The following ANKFN1 variants were observed in gnomAD, a reference collection of about 807,000 sequenced individuals.
ANKFN1 encodes the protein ankyrin repeat and fibronectin type III domain containing 1.
A neutral mutation model predicts 108.7 loss-of-function variants in ANKFN1; 74 were observed. The ratio of observed to expected loss-of-function variants is 0.68; its 90% confidence interval spans 0.56 to 0.83. The LOEUF (loss-of-function observed/expected upper bound fraction) is 0.83, where lower values mean the gene tolerates loss of function less well. Among genes scored for constraint, ANKFN1 ranks in the 40% least tolerant of loss-of-function variants. The pLI is 0.00. For missense variants in ANKFN1, 1,505 were observed against 1,382.3 expected, an observed-to-expected ratio of 1.09 and a Z score of -1.41; for synonymous variants, 547 against 516.2, an observed-to-expected ratio of 1.06 and a Z score of -0.81.
intron 3 of ANKFN1, among the ~76,000 whole-genome samples, chr17:56,280,168 C>G (rs2044038619): frequency 6.6e-6 from 1 of 151,912 alleles, no homozygotes; most frequent in Non-Finnish European, 1.5e-5. Context: ...TGCCACCATG[C>G]CCAGCTCATT....
At chr17:56,238,918 C>T (rs938640630) in intron 3 of ANKFN1, among the ~76,000 whole-genome samples, 8 of 151,948 alleles carry the variant, frequency 5.3e-5, no homozygotes, top group South Asian at 2.1e-4. Context: ...GATTGGGATA[C>T]GATTGTGAAT....
intron 4 of ANKFN1, among the ~76,000 whole-genome samples, chr17:56,332,441 A>G (rs768383900): frequency 7.2e-4 from 110 of 152,246 alleles, no homozygotes; most frequent in Non-Finnish European, 1.4e-3. Context: ...GTCTAGGATG[A>G]TCTATTTCAG....
At chr17:56,473,964 T>C (rs772690005) in intron 15 of ANKFN1, among the ~76,000 whole-genome samples, 95 of 152,308 alleles carry the variant, frequency 6.2e-4, no homozygotes, top group Non-Finnish European at 1.1e-3. Context: ...CTATCCTATA[T>C]TTGTATTCTT....
chr17:56,457,145 T>G (rs1403653512), intron 12 of ANKFN1, 112 bp from the exon 13 acceptor site: 16 of 1,188,338 alleles, frequency 1.3e-5, no homozygotes, highest in Non-Finnish European at 1.8e-5. Flanking sequence ...CTTATGATAC[T>G]TAGCAGGAAT....
intron 4 of ANKFN1, among the ~76,000 whole-genome samples, chr17:56,062,085 G>A (rs1904984345): frequency 6.6e-6 from 1 of 152,186 alleles, no homozygotes; most frequent in Non-Finnish European, 1.5e-5. Context: ...ATTGCAGTGT[G>A]GCCTGAGAGA....
At chr17:56,273,101 C>T (rs2043833142) in intron 3 of ANKFN1, among the ~76,000 whole-genome samples, 1 of 152,212 alleles carries the variant, frequency 6.6e-6, no homozygotes, top group South Asian at 2.1e-4. Flanking sequence ...ATGGCTGACA[C>T]TCCGAATCTC....
chr17:56,462,492 G>T (rs1007846519), intron 14 of ANKFN1, among the ~76,000 whole-genome samples: 1 of 152,280 alleles, frequency 6.6e-6, no homozygotes, highest in East Asian at 1.9e-4. Flanking sequence ...TGCTCGGGAG[G>T]CTAAGGCAGG....
chr17:56,087,000 T>A (rs8070386), intron 4 of ANKFN1, among the ~76,000 whole-genome samples: 10,803 of 151,234 alleles, frequency 0.071, 1,484 homozygotes, highest in African/African-American at 0.25. Flanking sequence ...CAGAAAGTTT[T>A]TGAAGATCAT....
chr17:56,224,106 C>T (rs1004521460), intron 2 of ANKFN1, among the ~76,000 whole-genome samples: 4 of 152,238 alleles, frequency 2.6e-5, no homozygotes, highest in African/African-American at 9.6e-5. Flanking sequence ...CAACTCTTGA[C>T]ATCACATCCC....
chr17:56,403,274 T>A (rs1387697266), intron 8 of ANKFN1, among the ~76,000 whole-genome samples: 1 of 152,216 alleles, frequency 6.6e-6, no homozygotes, highest in East Asian at 1.9e-4. Flanking sequence ...CTTGATGACC[T>A]ATCTAGAGCT....
chr17:56,061,426 C>A (rs896874595), intron 4 of ANKFN1, among the ~76,000 whole-genome samples: 1 of 151,846 alleles, frequency 6.6e-6, no homozygotes, highest in Non-Finnish European at 1.5e-5. Flanking sequence ...TGCCTGCCAC[C>A]ATGCCCAGCT....
chr17:56,350,748 G>A lies in ANKFN1; in HGVS notation c.189-18G>A, dbSNP rs369472198. On this transcript the variant is annotated intron_variant, in intron 4 of 20. Transcript: ENST00000682825. ...TTTGTGGTGTAAAAGATATAACATC[G>A]GACTTTCCTCTTCTTAGGAATTGTC... 23 of 1,607,780 alleles carry A rather than the reference G, an allele frequency of 1.4e-5. No homozygotes were observed. Among genetic ancestry groups the A allele is most frequent in the East Asian group, 4.5e-5 (2 of 44,748 alleles).
intron 4 of ANKFN1, among the ~76,000 whole-genome samples, chr17:56,332,366 C>G (rs2045688227): frequency 6.6e-6 from 1 of 152,072 alleles, no homozygotes; most frequent in African/African-American, 2.4e-5. Flanking sequence ...ATTCTCCAGG[C>G]CAATGTACTA....
intron 4 of ANKFN1, among the ~76,000 whole-genome samples, chr17:56,061,753 T>C (rs1904979768): frequency 6.6e-6 from 1 of 152,208 alleles, no homozygotes; most frequent in Admixed American, 6.5e-5. Flanking sequence ...ATACTCTATC[T>C]CCTTCAGTTC....
At chr17:56,366,273 A>T (rs913262373) in intron 6 of ANKFN1, among the ~76,000 whole-genome samples, 1 of 152,218 alleles carries the variant, frequency 6.6e-6, no homozygotes, top group African/African-American at 2.4e-5. Context: ...AGACCCAAAA[A>T]GTTTTAAAAA....
intron 3 of ANKFN1, among the ~76,000 whole-genome samples, chr17:56,268,575 A>G (rs2043713956): frequency 2.0e-5 from 3 of 152,348 alleles, no homozygotes; most frequent in South Asian, 4.1e-4. Flanking sequence ...GGAAATAACC[A>G]AAATCAGAAC....
intron 11 of ANKFN1, among the ~76,000 whole-genome samples, chr17:56,454,769 A>G (rs910303041): frequency 6.6e-6 from 1 of 152,224 alleles, no homozygotes; most frequent in Non-Finnish European, 1.5e-5. Context: ...AATATTATGT[A>G]TAAAAGCTTA....
At chr17:56,109,527 CT>C (rs1339108902) in intron 4 of ANKFN1, among the ~76,000 whole-genome samples, 1 of 152,102 alleles carries the variant, frequency 6.6e-6, no homozygotes, top group African/African-American at 2.4e-5. Context: ...AAAATCACCC[CT>C]GGTTGAGAAT....
intron 8 of ANKFN1, among the ~76,000 whole-genome samples, chr17:56,420,659 C>T (rs886513034): frequency 3.7e-5 from 5 of 135,350 alleles, no homozygotes; most frequent in Admixed American, 2.2e-4. Context: ...AATTAATATT[C>T]TATGTTGCTT....
Sources: allele counts gnomAD v4.1 joint callset (sites outside exome capture counted in the v4.1 genomes callset), GRCh38; gene constraint gnomAD v4.1.1; transcripts MANE v1.5; gene names NCBI Gene and HGNC (gene_info 2026-07-23, HGNC 2026-07-21).